The following PCDH15 variants were observed in gnomAD, a reference collection of about 807,000 sequenced individuals.
PCDH15 encodes the protein protocadherin-15.
In PCDH15, 129 loss-of-function variants were observed where a neutral mutation model predicts 178.5. That is an observed-to-expected ratio of 0.72 (90% confidence interval 0.63 to 0.84). The LOEUF (loss-of-function observed/expected upper bound fraction) is 0.84, where lower values mean the gene tolerates loss of function less well. Ranked by LOEUF, PCDH15 falls within the 40% of genes least tolerant of loss-of-function variation. The probability of loss-of-function intolerance (pLI) is 0.00; values close to 1 mark genes in which losing one functional copy is unlikely to be tolerated. For synonymous variants in PCDH15, 800 were observed against 732.0 expected, an observed-to-expected ratio of 1.09 and a Z score of -1.50; for missense variants, 2,230 against 2,099.9, an observed-to-expected ratio of 1.06 and a Z score of -1.21.
intron 8 of PCDH15, among the ~76,000 whole-genome samples, chr10:54,241,966 C>A (rs1258735146): frequency 6.7e-6 from 1 of 149,968 alleles, no homozygotes; most frequent in Non-Finnish European, 1.5e-5. Flanking sequence ...GGAGACACAC[C>A]TTCTCTTTTG....
intron 27 of PCDH15, among the ~76,000 whole-genome samples, chr10:53,861,976 T>C (rs77115909): frequency 1.3e-5 from 2 of 152,252 alleles, no homozygotes; most frequent in Admixed American, 6.5e-5. Context: ...TTTTAAATAC[T>C]ATACCAAAAT....
At chr10:54,685,401 T>G (rs2094978533) in intron 1 of PCDH15, among the ~76,000 whole-genome samples, 1 of 152,196 alleles carries the variant, frequency 6.6e-6, no homozygotes, top group Admixed American at 6.6e-5. Context: ...TGCTATTATT[T>G]TTATCACTGG....
chr10:55,132,467 G>A (rs531744409), intron 2 of PCDH15, among the ~76,000 whole-genome samples: 28 of 152,202 alleles, frequency 1.8e-4, no homozygotes, highest in Middle Eastern at 3.4e-3. Context: ...TAAAAAGCAC[G>A]TGCTTCCCAC....
intron 1 of PCDH15, among the ~76,000 whole-genome samples, chr10:54,784,338 A>AAT (rs1950643698): frequency 7.5e-3 from 3 of 402 alleles, no homozygotes; most frequent in Admixed American, 0.038. Flanking sequence ...TAATAATAAT[A>AAT]AAAAAAAAAA....
chr10:54,877,637 A>G (rs541960965), intron 3 of PCDH15, among the ~76,000 whole-genome samples: 1 of 152,256 alleles, frequency 6.6e-6, no homozygotes, highest in East Asian at 1.9e-4. Context: ...TGCACATACA[A>G]ACTAGTTTGA....
chr10:55,312,256 G>A (rs1843602530), intron 1 of PCDH15, among the ~76,000 whole-genome samples: 1 of 152,066 alleles, frequency 6.6e-6, no homozygotes, highest in Non-Finnish European at 1.5e-5. Context: ...GCATCCTAGA[G>A]GTTTTCTGTT....
At chr10:54,333,541 C>A (rs1940329612) in intron 6 of PCDH15, among the ~76,000 whole-genome samples, 1 of 141,446 alleles carries the variant, frequency 7.1e-6, no homozygotes. Flanking sequence ...AATGATATTT[C>A]TGAAGTGTTT....
At chr10:55,230,359 G>C (rs1447566457) in intron 1 of PCDH15, among the ~76,000 whole-genome samples, 2 of 151,954 alleles carry the variant, frequency 1.3e-5, no homozygotes, top group South Asian at 2.1e-4. Flanking sequence ...CAGCACTCAG[G>C]CTGGTGTAAT....
intron 17 of PCDH15, among the ~76,000 whole-genome samples, chr10:54,067,592 C>T (rs2094161044): frequency 6.6e-6 from 1 of 152,142 alleles, no homozygotes; most frequent in African/African-American, 2.4e-5. Context: ...GTGATTCAAG[C>T]TGGAAACTGC....
chr10:55,367,208 TTAAAA>T (rs1471855141), intron 2 of PCDH15, among the ~76,000 whole-genome samples: 1 of 152,110 alleles, frequency 6.6e-6, no homozygotes, highest in Admixed American at 6.6e-5. Flanking sequence ...GTTTCCACTG[TTAAAA>T]TAAATCTTTA....
At chr10:54,682,780 C>A (rs780138604) in intron 1 of PCDH15, among the ~76,000 whole-genome samples, 1 of 152,096 alleles carries the variant, frequency 6.6e-6, no homozygotes, top group Non-Finnish European at 1.5e-5. Context: ...TTAACTGAGT[C>A]GTAAATTCCA....
chr10:54,576,136 CATCTATCT>C (rs5785086), intron 2 of PCDH15, among the ~76,000 whole-genome samples: 17 of 152,192 alleles, frequency 1.1e-4, no homozygotes, highest in South Asian at 4.1e-4. Context: ...CGTATGTATC[CATCTATCT>C]ATCTATCTAC....
At chr10:55,389,110 C>T (rs1837731190) in intron 2 of PCDH15, among the ~76,000 whole-genome samples, 1 of 151,996 alleles carries the variant, frequency 6.6e-6, no homozygotes, top group South Asian at 2.1e-4. Context: ...AATGAACTCC[C>T]AATGATGAAT....
At chr10:55,027,592 G>A (rs1351282472) in intron 2 of PCDH15, among the ~76,000 whole-genome samples, 1 of 151,720 alleles carries the variant, frequency 6.6e-6, no homozygotes, top group Non-Finnish European at 1.5e-5. Flanking sequence ...AACAATCAAA[G>A]TTGAAATAAA....
At chr10:54,536,418 A>G (rs1398194766) in intron 2 of PCDH15, among the ~76,000 whole-genome samples, 1 of 151,956 alleles carries the variant, frequency 6.6e-6, no homozygotes, top group Non-Finnish European at 1.5e-5. Context: ...AGTTTCTTCC[A>G]TTTTTAACAT....
intron 2 of PCDH15, among the ~76,000 whole-genome samples, chr10:55,521,060 A>T (rs149972810): frequency 2.6e-5 from 4 of 152,094 alleles, no homozygotes; most frequent in African/African-American, 9.6e-5. Flanking sequence ...TTATTTGATT[A>T]CAACTGTAAG....
At chr10:55,476,739 T>C (rs1840069775) in intron 2 of PCDH15, among the ~76,000 whole-genome samples, 1 of 152,038 alleles carries the variant, frequency 6.6e-6, no homozygotes, top group Non-Finnish European at 1.5e-5. Context: ...AATGCTTACT[T>C]ATCAAACCAA....
At chr10:53,928,140 A>G (rs2084733435) in intron 25 of PCDH15, among the ~76,000 whole-genome samples, 1 of 152,076 alleles carries the variant, frequency 6.6e-6, no homozygotes, top group African/African-American at 2.4e-5. Context: ...AGTTGAGACA[A>G]TGAAACCTTC....
At chr10:54,895,972 C>T (rs373607030) in intron 3 of PCDH15, among the ~76,000 whole-genome samples, 40 of 152,080 alleles carry the variant, frequency 2.6e-4, no homozygotes, top group African/African-American at 8.9e-4. Context: ...CCACAACCTC[C>T]GCCTCCCGGG....
Sources: gnomAD v4.1 joint callset for allele counts (sites outside exome capture counted in the v4.1 genomes callset) on GRCh38, gnomAD v4.1.1 for gene constraint, MANE v1.5 for transcripts, NCBI Gene and HGNC (gene_info 2026-07-23, HGNC 2026-07-21) for gene names.